Variants in PDSS2 observed in about 807,000 individuals in gnomAD.
PDSS2 encodes all trans-polyprenyl-diphosphate synthase PDSS2.
PDSS2 carries 31 observed loss-of-function variants against 44.5 expected under a neutral mutation model. The ratio of observed to expected loss-of-function variants is 0.70; its 90% CI spans 0.52 to 0.94. PDSS2 has a LOEUF of 0.94. PDSS2 is among the 40% of genes least tolerant of loss of function. The pLI is 0.00. For missense variants in PDSS2, 452 were observed against 482.2 expected (o/e 0.94, Z 0.59); for synonymous variants, 157 against 180.3 (o/e 0.87, Z 1.03).
intron 7 of PDSS2, among the ~76,000 whole-genome samples, chr6:107,163,918 T>A (rs1386993113): frequency 1.3e-5 from 2 of 152,186 alleles, no homozygotes; most frequent in Admixed American, 1.3e-4. Context: ...TGTTCTTTTT[T>A]AAATAAACGT....
intron 1 of PDSS2, among the ~76,000 whole-genome samples, chr6:107,385,169 A>G (rs1344839222): frequency 6.6e-6 from 1 of 152,170 alleles, no homozygotes; most frequent in African/African-American, 2.4e-5. Flanking sequence ...AAATCTTTAG[A>G]ACATGACCGT....
At chr6:107,269,944 G>A (rs1775541868) in intron 3 of PDSS2, among the ~76,000 whole-genome samples, 5 of 152,140 alleles carry the variant, frequency 3.3e-5, no homozygotes. Flanking sequence ...TGGAAATACA[G>A]GCGTGAGCCA....
intron 6 of PDSS2, among the ~76,000 whole-genome samples, chr6:107,195,798 G>T (rs572179926): frequency 6.6e-6 from 1 of 152,264 alleles, no homozygotes; most frequent in African/African-American, 2.4e-5. Context: ...GACCTCATGT[G>T]ATCCACCCAC....
At chr6:107,395,775 CTA>C (rs1258100438) in intron 1 of PDSS2, among the ~76,000 whole-genome samples, 1 of 152,054 alleles carries the variant, frequency 6.6e-6, no homozygotes, top group African/African-American at 2.4e-5. Context: ...GATTTTTGAG[CTA>C]TGTTTCTCTG....
intron 1 of PDSS2, among the ~76,000 whole-genome samples, chr6:107,395,734 A>G (rs891987407): frequency 2.0e-5 from 3 of 151,836 alleles, no homozygotes; most frequent in Admixed American, 1.3e-4. Flanking sequence ...TTCTGTTTTC[A>G]GGTCTGTTTC....
At chr6:107,264,263 A>G (rs1052004044) in intron 3 of PDSS2, 3 of 1,353,572 alleles carry the variant, frequency 2.2e-6, no homozygotes, top group African/African-American at 2.9e-5. Context: ...ATATTTGTAC[A>G]AACAAAATAC....
At chr6:107,408,512 C>T (rs1780392454) in intron 1 of PDSS2, among the ~76,000 whole-genome samples, 1 of 152,196 alleles carries the variant, frequency 6.6e-6, no homozygotes, top group Admixed American at 6.5e-5. Flanking sequence ...TTTAGCCTCC[C>T]TTCCTCTTAA....
At chr6:107,396,668 C>A in intron 1 of PDSS2, among the ~76,000 whole-genome samples, 1 of 128,626 alleles carries the variant, frequency 7.8e-6, no homozygotes, top group South Asian at 2.4e-4. Flanking sequence ...TTTTTTTCCT[C>A]TTCTTTTTTC....
chr6:107,170,849 G>A (rs1380851531), intron 7 of PDSS2, among the ~76,000 whole-genome samples: 2 of 152,026 alleles, frequency 1.3e-5, no homozygotes, highest in Non-Finnish European at 2.9e-5. Context: ...CTGACCTCAA[G>A]TGATCCTCCC....
rs554177924 is a variant in PDSS2 at position 107,278,266 on chromosome 6, A to T, written c.432-4039T>A. 5.9e-5 allele frequency among the ~76,000 whole-genome samples: 9 copies of T among 152,296 alleles called. No homozygotes were observed. In the South Asian group the frequency reaches 1.4e-3, roughly 25 times the overall value. On this transcript the variant is annotated intron_variant, in intron 2 of 7. Coordinates refer to ENST00000369037, the MANE Select transcript of PDSS2 (RefSeq NM_020381.4). ...TGAGTCAAATAGTATCTAAGAGTAA[A>T]TTCATGGTTTAGATTAAAATCTCAT...
At chr6:107,428,905 T>G (rs2114739454) in intron 1 of PDSS2, among the ~76,000 whole-genome samples, 1 of 152,318 alleles carries the variant, frequency 6.6e-6, no homozygotes, top group African/African-American at 2.4e-5. Flanking sequence ...TGGGAACACT[T>G]ATACCTAAAT....
At chr6:107,218,600 A>C (rs1773495067) in intron 4 of PDSS2, among the ~76,000 whole-genome samples, 1 of 152,222 alleles carries the variant, frequency 6.6e-6, no homozygotes, top group Non-Finnish European at 1.5e-5. Context: ...GTTCCATGAA[A>C]GCAAGGACTT....
intron 4 of PDSS2, among the ~76,000 whole-genome samples, chr6:107,226,162 A>G (rs1210579139): frequency 6.6e-6 from 1 of 152,152 alleles, no homozygotes; most frequent in African/African-American, 2.4e-5. Flanking sequence ...CAAAAAAATT[A>G]GCTGGGCGTG....
At position 107,286,136 on chromosome 6, in the gene PDSS2, T is replaced by TAAAATAAAA. The variant is rs67225192; in HGVS notation, c.432-11910_432-11909insTTTTATTTT. Among the ~76,000 whole-genome samples the TAAAATAAAA allele has an allele frequency of 3.0e-3, 388 of 128,722 alleles. 16 individuals are homozygous for TAAAATAAAA. Among genetic ancestry groups the TAAAATAAAA allele is most frequent in the East Asian group, 8.8e-3 (36 of 4,100 alleles). The allele number at this position is 128,722 out of a possible 152,430, so 84.4% of individuals were successfully genotyped here. A position where few individuals can be genotyped will look rare whatever the true frequency, so the allele number is the denominator to read the frequency against. The stretch of plus-strand genomic sequence containing the variant: ...CAAGGAGCAAAACTTCGTCGCAAAA[T>TAAAATAAAA]AAAAAAAAAAAAAAGGAAAGAAAAG... On this transcript the variant is annotated intron_variant, in intron 2 of 7. Transcript: ENST00000369037.
At chr6:107,207,195 T>C (rs1033594138) in intron 6 of PDSS2, among the ~76,000 whole-genome samples, 2 of 152,134 alleles carry the variant, frequency 1.3e-5, no homozygotes, top group African/African-American at 4.8e-5. Flanking sequence ...GGTTTCACCA[T>C]GTTAGCCAGG....
intron 1 of PDSS2, among the ~76,000 whole-genome samples, chr6:107,386,734 C>G (rs1779623214): frequency 6.6e-6 from 1 of 152,158 alleles, no homozygotes; most frequent in Admixed American, 6.5e-5. Flanking sequence ...CTAACTAAAT[C>G]CCATTTGACC....
chr6:107,258,489 T>C (rs1322160804), intron 3 of PDSS2, among the ~76,000 whole-genome samples: 1 of 152,010 alleles, frequency 6.6e-6, no homozygotes, highest in African/African-American at 2.4e-5. Flanking sequence ...AAAAGTTGCT[T>C]TTGCTTATAA....
At chr6:107,321,498 A>G (rs966740275) in intron 2 of PDSS2, among the ~76,000 whole-genome samples, 1 of 152,246 alleles carries the variant, frequency 6.6e-6, no homozygotes, top group Admixed American at 6.5e-5. Context: ...TAAATACACC[A>G]CGGCTTTTCC....
At chr6:107,343,735 A>C (rs896230692) in intron 1 of PDSS2, among the ~76,000 whole-genome samples, 1 of 152,230 alleles carries the variant, frequency 6.6e-6, no homozygotes, top group Non-Finnish European at 1.5e-5. Context: ...AACTAGAAAT[A>C]AATATGTCAA....
Sources: allele counts gnomAD v4.1 joint callset (sites outside exome capture counted in the v4.1 genomes callset), GRCh38; gene constraint gnomAD v4.1.1; transcripts MANE v1.5; gene names NCBI Gene and HGNC (gene_info 2026-07-23, HGNC 2026-07-21).